The following AEBP2 variants were observed in gnomAD, a reference collection of about 807,000 sequenced individuals.
AEBP2 encodes the protein zinc finger protein AEBP2.
AEBP2 carries 10 observed loss-of-function variants against 50.8 expected under a neutral mutation model. The ratio of observed to expected loss-of-function variants is 0.20; its 90% CI spans 0.12 to 0.33. The LOEUF is 0.33. Ranked by LOEUF, AEBP2 falls within the 10% of genes least tolerant of loss-of-function variation. The pLI is 1.00. For missense variants in AEBP2, 570 were observed against 688.0 expected, an observed-to-expected ratio of 0.83 and a Z score of 1.92; for synonymous variants, 296 against 261.3, an observed-to-expected ratio of 1.13 and a Z score of -1.28.
At chr12:19,460,093 C>CT (rs1948345971) in intron 1 of AEBP2, among the ~76,000 whole-genome samples, 2 of 152,132 alleles carry the variant, frequency 1.3e-5, no homozygotes, top group Admixed American at 1.3e-4. Context: ...CCTGTAGGCC[C>CT]GGCTACTCAG....
chr12:19,425,529 G>C (rs1485720744), intron 1 of AEBP2, among the ~76,000 whole-genome samples: 3 of 152,050 alleles, frequency 2.0e-5, no homozygotes, highest in African/African-American at 7.2e-5. Flanking sequence ...ACTTTGGGAA[G>C]GCAAGCTGGG....
chr12:19,451,291 C>T (rs1948162694), intron 1 of AEBP2, among the ~76,000 whole-genome samples: 1 of 152,154 alleles, frequency 6.6e-6, no homozygotes, highest in African/African-American at 2.4e-5. Flanking sequence ...GGACTGGAAT[C>T]AGAATGCCCA....
At chr12:19,453,117 C>T (rs937580900) in intron 1 of AEBP2, among the ~76,000 whole-genome samples, 16 of 151,730 alleles carry the variant, frequency 1.1e-4, no homozygotes, top group Admixed American at 7.9e-4. Context: ...CACGGGTACC[C>T]GCCACCAGCC....
intron 1 of AEBP2, among the ~76,000 whole-genome samples, chr12:19,441,807 A>G (rs1565703996): frequency 6.6e-6 from 1 of 152,226 alleles, no homozygotes; most frequent in Non-Finnish European, 1.5e-5. Flanking sequence ...TATTTTTACC[A>G]TTTTATGCTC....
chr12:19,495,850 TTC>T (rs1384382060), intron 4 of AEBP2, among the ~76,000 whole-genome samples: 10 of 152,180 alleles, frequency 6.6e-5, no homozygotes, highest in African/African-American at 2.2e-4. Context: ...GGCCTTAAGT[TTC>T]TTTTTGTTAA....
chr12:19,449,216 G>A (rs561239874), intron 1 of AEBP2, among the ~76,000 whole-genome samples: 221 of 152,162 alleles, frequency 1.5e-3, no homozygotes, highest in Non-Finnish European at 2.9e-3. Flanking sequence ...TAAACCTTCA[G>A]ATGCAATTGC....
At chr12:19,500,400 A>C (rs894473014) in intron 5 of AEBP2, among the ~76,000 whole-genome samples, 179 bp downstream of exon 5, 21 of 152,166 alleles carry the variant, frequency 1.4e-4, no homozygotes, top group African/African-American at 5.1e-4. Context: ...ATTTCTTATA[A>C]TTTTACATGT....
chr12:19,430,503 T>C (rs1473581827), intron 1 of AEBP2, among the ~76,000 whole-genome samples: 5 of 152,170 alleles, frequency 3.3e-5, no homozygotes, highest in Non-Finnish European at 2.9e-5. Context: ...TTTTTTCCAT[T>C]TCTATGAAGA....
chr12:19,467,907 G>A (rs1392638193), intron 2 of AEBP2, among the ~76,000 whole-genome samples: 1 of 151,866 alleles, frequency 6.6e-6, no homozygotes, highest in Non-Finnish European at 1.5e-5. Context: ...GGAGATTGTG[G>A]GCAAGGGAGG....
chr12:19,497,955 G>C (rs909467738), intron 4 of AEBP2, among the ~76,000 whole-genome samples: 1 of 152,132 alleles, frequency 6.6e-6, no homozygotes, highest in Non-Finnish European at 1.5e-5. Flanking sequence ...TATTCTTTAC[G>C]TACTCTAATG....
At chr12:19,495,267 G>A (rs867609834) in intron 4 of AEBP2, among the ~76,000 whole-genome samples, 1 of 152,246 alleles carries the variant, frequency 6.6e-6, no homozygotes. Flanking sequence ...AGTGAATAAA[G>A]CTTTCATTGA....
In AEBP2 at chr12:19,500,177, A is replaced by G. The variant is rs1387037934; in HGVS notation, c.1255A>G (p.Ile419Val). Reference sequence around the variant, plus strand: ...CATATGCTTTAACCTCTCAGCTCATATAGAAAGTTTAGGGAAGGGACACAG... The same window carrying G: ...CATATGCTTTAACCTCTCAGCTCATGTAGAAAGTTTAGGGAAGGGACACAG... Reference protein sequence around the residue: ...RAICFNLSAHIESLGKGHSVV... With the variant: ...RAICFNLSAHVESLGKGHSVV... Residue 419 changes from isoleucine to valine, a missense_variant, in exon 5 of 8, where the codon ATA (isoleucine) becomes GTA (valine). This residue lies in a region of AEBP2 where 184 missense variants were observed against 351.2 expected (regional missense o/e 0.52). Transcript: ENST00000266508. 1.3e-6 allele frequency: 2 copies of G among 1,595,204 alleles called. No homozygotes were observed. The highest frequency in any genetic ancestry group is 3.5e-5 in the Admixed American group (2 of 57,386).
intron 3 of AEBP2, among the ~76,000 whole-genome samples, chr12:19,475,667 C>G (rs1424031766): frequency 6.6e-6 from 1 of 152,098 alleles, no homozygotes; most frequent in African/African-American, 2.4e-5. Flanking sequence ...TTTAAGAAAT[C>G]TCTGTACGGT....
At chr12:19,472,099 A>G (rs982197463) in intron 2 of AEBP2, among the ~76,000 whole-genome samples, 2 of 152,158 alleles carry the variant, frequency 1.3e-5, no homozygotes, top group Non-Finnish European at 2.9e-5. Context: ...TTGACATAAG[A>G]TGGTATTGTT....
rs376781291 is a variant in AEBP2 at position 19,501,972 on chromosome 12, C to T, written c.1299+1751C>T. Reference sequence around the variant, plus strand: ...AAAAGTACAGTGTACCAACTATTTACGTAGTATCGACTTAATTATATGGGA... The same window carrying T: ...AAAAGTACAGTGTACCAACTATTTATGTAGTATCGACTTAATTATATGGGA... On this transcript the variant is annotated intron_variant, in intron 5 of 7. Coordinates refer to ENST00000266508, the MANE Select transcript of AEBP2 (RefSeq NM_153207.5). 1.0e-3 allele frequency among the ~76,000 whole-genome samples: 153 copies of T among 151,950 alleles called. 1 individual carries two copies. Among genetic ancestry groups the T allele is most frequent in the African/African-American group, 3.5e-3 (147 of 41,430 alleles).
rs911626025 is a variant in AEBP2 at position 19,457,483 on chromosome 12, A to G, written c.672-5027A>G. 1.5e-5 allele frequency: 22 copies of G among 1,504,314 alleles called. No homozygotes were observed. The Admixed American group carries it at 2.4e-4, about 16-fold the overall frequency. The allele number at this position is 1,504,314 out of a possible 1,614,324, so 93.2% of individuals were successfully genotyped here. ...TTCAGTTTATCCAAGACCCAGGCCT[A>G]CTTGAAGGAGCCCTTTCCCATCTCA... is the stretch of plus-strand genomic sequence containing the variant. On this transcript the variant is annotated intron_variant, in intron 1 of 7. Transcript: ENST00000266508.
At position 19,458,445 on chromosome 12, in the gene AEBP2, T is replaced by C. The variant is rs562413367; in HGVS notation, c.672-4065T>C. The stretch of plus-strand genomic sequence containing the variant: ...GACGTGCCTCTCACCTTGTCTGCCA[T>C]TGTATTCACAGCTTAGTCCCCAGTG... On this transcript the variant is annotated intron_variant, in intron 1 of 7. Coordinates refer to ENST00000266508, the MANE Select transcript of AEBP2 (RefSeq NM_153207.5). Among the ~76,000 whole-genome samples the C allele has an allele frequency of 2.6e-5, 4 of 152,346 alleles. No individual in the cohort carries two copies. In the East Asian group the frequency reaches 7.7e-4, roughly 29 times the overall value.
intron 2 of AEBP2, among the ~76,000 whole-genome samples, chr12:19,465,121 G>A (rs1948448151): frequency 1.3e-5 from 2 of 151,986 alleles, no homozygotes; most frequent in African/African-American, 2.4e-5. Context: ...TTGGCCGGGC[G>A]CGGTGGCTCG....
At chr12:19,476,681 G>A (rs7972772) in intron 3 of AEBP2, among the ~76,000 whole-genome samples, 127,174 of 152,198 alleles carry the variant, frequency 0.84, 53,281 homozygotes, top group African/African-American at 0.88. Flanking sequence ...CTATGTGTCT[G>A]TTTTATTCCA....
Sources: gnomAD v4.1 joint callset for allele counts (sites outside exome capture counted in the v4.1 genomes callset) on GRCh38, gnomAD v4.1.1 for gene constraint, gnomAD v4.1.1 regional missense constraint, MANE v1.5 for transcripts, NCBI Gene and HGNC (gene_info 2026-07-23, HGNC 2026-07-21) for gene names.